Variants in CCDC77 observed in about 807,000 individuals in gnomAD.
The protein encoded by CCDC77 is coiled-coil domain-containing protein 77.
Under a neutral mutation model 66.8 loss-of-function variants are expected in CCDC77, and 56 were observed. The observed-to-expected ratio is 0.84, with a 90% CI of 0.68 to 1.05. The LOEUF (loss-of-function observed/expected upper bound fraction) is 1.05, where lower values mean the gene tolerates loss of function less well. Ranked by LOEUF, CCDC77 falls within the 50% of genes least tolerant of loss-of-function variation. The probability of loss-of-function intolerance (pLI) is 0.00; values close to 1 mark genes in which losing one functional copy is unlikely to be tolerated. For synonymous variants in CCDC77, 196 were observed against 195.2 expected (o/e 1.00, Z -0.03); for missense variants, 570 against 576.8 (o/e 0.99, Z 0.12).
At chr12:407,603 C>T (rs1020595873) in intron 2 of CCDC77, among the ~76,000 whole-genome samples, 1 of 151,992 alleles carries the variant, frequency 6.6e-6, no homozygotes, top group Non-Finnish European at 1.5e-5. Context: ...TGAGTAATGA[C>T]CAGTAAGAAA....
chr12:428,723 C>T (rs747067870), intron 5 of CCDC77, 46 bp from the exon 6 acceptor site: 5 of 1,318,966 alleles, frequency 3.8e-6, no homozygotes, highest in South Asian at 1.3e-5. Flanking sequence ...AGGTTACTTA[C>T]TTGGGACATT....
At chr12:405,417 A>T (rs1302381294) in intron 1 of CCDC77, 94 bp from the exon 2 acceptor site, 2 of 152,252 alleles carry the variant, frequency 1.3e-5, no homozygotes, top group Non-Finnish European at 1.5e-5. Flanking sequence ...GAATGAGTTT[A>T]ATGGTGTACA....
chr12:401,432 G>GC (rs1359316670), upstream of CCDC77: 2 of 152,176 alleles, frequency 1.3e-5, no homozygotes, highest in Non-Finnish European at 2.9e-5. Context: ...CAGCTGCGTC[G>GC]CCCCGCGCAG....
intron 4 of CCDC77, among the ~76,000 whole-genome samples, chr12:416,344 G>GGTGTGTGT (rs1174833426): frequency 2.7e-5 from 1 of 37,110 alleles, no homozygotes; most frequent in Admixed American, 5.5e-4. Flanking sequence ...GGTGTGTGGG[G>GGTGTGTGT]GTGTGTGTGT....
intron 8 of CCDC77, 95 bp from the exon 9 acceptor site, chr12:433,078 GT>G: frequency 2.3e-6 from 3 of 1,312,022 alleles, no homozygotes; most frequent in Middle Eastern, 2.0e-4. Context: ...GTTTGTGTTT[GT>G]TTTTTAATTT....
chr12:401,962 C>G (rs1292464502), intron 1 of CCDC77, among the ~76,000 whole-genome samples: 2 of 150,554 alleles, frequency 1.3e-5, no homozygotes, highest in Non-Finnish European at 2.9e-5. Flanking sequence ...CCTGGAGATG[C>G]GTTCCGGTGT....
intron 9 of CCDC77, among the ~76,000 whole-genome samples, chr12:437,290 A>T (rs1203258358): frequency 6.6e-6 from 1 of 152,188 alleles, no homozygotes; most frequent in African/African-American, 2.4e-5. Flanking sequence ...GTCACCATGA[A>T]TCTGTTAACT....
chr12:397,360 A>G (rs1244994974), upstream of CCDC77, among the ~76,000 whole-genome samples: 1 of 152,176 alleles, frequency 6.6e-6, no homozygotes, highest in Non-Finnish European at 1.5e-5. Context: ...AAGAAAGGAA[A>G]TAGACAAAAG....
intron 9 of CCDC77, among the ~76,000 whole-genome samples, chr12:434,154 A>G (rs1591991481): frequency 6.6e-6 from 1 of 151,558 alleles, no homozygotes; most frequent in Non-Finnish European, 1.5e-5. Context: ...CCTATAATGC[A>G]CATACTTTAA....
At chr12:397,194 C>T (rs1944839145), upstream of CCDC77, among the ~76,000 whole-genome samples, 1 of 152,076 alleles carries the variant, frequency 6.6e-6, no homozygotes, top group Non-Finnish European at 1.5e-5. Flanking sequence ...CAAAAATCAC[C>T]TTTTATAGAA....
At chr12:418,725 A>C (rs1430783944) in intron 5 of CCDC77, 89 bp downstream of exon 5, 4 of 1,418,726 alleles carry the variant, frequency 2.8e-6, no homozygotes, top group Non-Finnish European at 2.9e-6. Flanking sequence ...ATTTAGAGGC[A>C]GTATCACTCT....
intron 10 of CCDC77, among the ~76,000 whole-genome samples, chr12:439,882 A>G (rs1945828883): frequency 6.6e-6 from 1 of 152,218 alleles, no homozygotes; most frequent in African/African-American, 2.4e-5. Context: ...CATTGTATTA[A>G]TAGAAGGAAT....
chr12:434,644 G>A (rs965835487), intron 9 of CCDC77, among the ~76,000 whole-genome samples: 2 of 152,118 alleles, frequency 1.3e-5, no homozygotes, highest in Admixed American at 6.6e-5. Context: ...GAGCCACCAC[G>A]CCTGGCCTAC....
At chr12:415,491 A>G (rs1306651348) in intron 4 of CCDC77, among the ~76,000 whole-genome samples, 1 of 147,950 alleles carries the variant, frequency 6.8e-6, no homozygotes, top group Non-Finnish European at 1.5e-5. Context: ...GATATTATTA[A>G]CATAATTATT....
chr12:399,084 G>A (rs1944864441), upstream of CCDC77, among the ~76,000 whole-genome samples: 1 of 152,086 alleles, frequency 6.6e-6, no homozygotes, highest in Admixed American at 6.6e-5. Flanking sequence ...CATCTAGAAT[G>A]GTGGTGAGTC....
chr12:393,388 C>T (rs913508277), intron 1 of CCDC77, among the ~76,000 whole-genome samples: 1 of 152,148 alleles, frequency 6.6e-6, no homozygotes, highest in African/African-American at 2.4e-5. Context: ...GCTGCGATTA[C>T]AGGCATGAGC....
intron 5 of CCDC77, among the ~76,000 whole-genome samples, chr12:423,010 A>T (rs1346279931): frequency 6.7e-6 from 1 of 149,500 alleles, no homozygotes; most frequent in Non-Finnish European, 1.5e-5. Context: ...ACTATTTTCC[A>T]TAGTGTTTAT....
In CCDC77 at chr12:416,393, A is replaced by ATG. The variant is rs1565569265; in HGVS notation, c.271-2100_271-2099insGT. The stretch of plus-strand genomic sequence containing the variant: ...TGTGTGTGTGTATATATATATATAT[A>ATG]TATATATATATATATATATATATTT... On this transcript the variant is annotated intron_variant, in intron 4 of 12. Transcript: ENST00000239830. Among the ~76,000 whole-genome samples the ATG allele has an allele frequency of 2.2e-3, 116 of 52,480 alleles. 10 individuals carry two copies. The South Asian group carries it at 0.036, about 16-fold the overall frequency. 34.4% of individuals were successfully genotyped at this position (52,480 alleles called of 152,430 possible).
chr12:419,245 G>A lies in CCDC77; in HGVS notation c.413+609G>A, dbSNP rs1315526245. On this transcript the variant is annotated intron_variant, in intron 5 of 12. Coordinates refer to ENST00000239830, the MANE Select transcript of CCDC77 (RefSeq NM_032358.4). ...TGGTCTTTCGGCAGCAAAGGACTGA[G>A]AATTTTGTGTCCCCACATTGACCAG... 3.9e-5 allele frequency among the ~76,000 whole-genome samples: 6 copies of A among 152,222 alleles called. No homozygotes were observed. In the East Asian group the frequency reaches 1.2e-3, roughly 29 times the overall value.
Sources: gnomAD v4.1 joint callset for allele counts (sites outside exome capture counted in the v4.1 genomes callset) on GRCh38, gnomAD v4.1.1 for gene constraint, MANE v1.5 for transcripts, NCBI Gene and HGNC (gene_info 2026-07-23, HGNC 2026-07-21) for gene names.